ASPRV1: variants seen among roughly 807,000 people sequenced by gnomAD.
The protein encoded by ASPRV1 is retroviral-like aspartic protease 1.
In ASPRV1, 7 loss-of-function variants were observed where a neutral mutation model predicts 11.0. That is an observed-to-expected ratio of 0.64 (90% CI 0.36 to 1.20). ASPRV1 has a LOEUF of 1.20. Among genes scored for constraint, ASPRV1 ranks in the 50% most tolerant of loss-of-function variants. The pLI is 0.02. For missense variants in ASPRV1, 299 were observed against 320.0 expected (o/e 0.93, Z 0.50); for synonymous variants, 136 against 138.4 (o/e 0.98, Z 0.12).
At chr2:70,026,939 G>A in the ASPRV1 span, among the ~76,000 whole-genome samples, 2 of 152,142 alleles carry the variant, frequency 1.3e-5, no homozygotes, top group Non-Finnish European at 2.9e-5. Flanking sequence ...CGCACTACCT[G>A]ACTTCAAAAC....
the ASPRV1 span, among the ~76,000 whole-genome samples, chr2:69,974,968 GCTGTGTCTGACAGTCCTC>G: frequency 6.6e-6 from 1 of 152,200 alleles, no homozygotes; most frequent in African/African-American, 2.4e-5. Flanking sequence ...CCTGCAACAA[GCTGTGTCTGACAGTCCTC>G]CAGAGCTCCT....
chr2:70,015,000 C>T, the ASPRV1 span, among the ~76,000 whole-genome samples: 1 of 152,046 alleles, frequency 6.6e-6, no homozygotes, highest in Non-Finnish European at 1.5e-5. Flanking sequence ...AAAGAAGGGA[C>T]ACAAATGGCC....
chr2:69,988,783 T>C, the ASPRV1 span: 1 of 456,354 alleles, frequency 2.2e-6, no homozygotes, highest in African/African-American at 2.0e-5. Context: ...TAACGAAGAG[T>C]AGTGTTAACT....
the ASPRV1 span, among the ~76,000 whole-genome samples, chr2:69,979,795 C>T: frequency 5.9e-5 from 9 of 152,196 alleles, no homozygotes; most frequent in Admixed American, 5.9e-4. Flanking sequence ...AGGAGCGTTT[C>T]CTGCCACCTG....
the ASPRV1 span, among the ~76,000 whole-genome samples, chr2:69,989,890 T>C: frequency 6.6e-6 from 1 of 152,236 alleles, no homozygotes; most frequent in South Asian, 2.1e-4. Flanking sequence ...AGTAACTGCA[T>C]GTTAAATCAG....
At chr2:69,981,593 G>T in the ASPRV1 span, among the ~76,000 whole-genome samples, 1 of 152,206 alleles carries the variant, frequency 6.6e-6, no homozygotes, top group Non-Finnish European at 1.5e-5. Context: ...GTCTTACTCT[G>T]TTACCCAGGC....
At chr2:69,986,182 G>A in the ASPRV1 span, among the ~76,000 whole-genome samples, 1 of 152,168 alleles carries the variant, frequency 6.6e-6, no homozygotes, top group Non-Finnish European at 1.5e-5. Flanking sequence ...CGTCTAATAT[G>A]AATCCCAATC....
the ASPRV1 span, among the ~76,000 whole-genome samples, chr2:69,986,786 G>T: frequency 3.1e-4 from 47 of 152,338 alleles, no homozygotes; most frequent in Non-Finnish European, 4.3e-4. Context: ...GACATTTGTG[G>T]TTCCAGCTGT....
the ASPRV1 span, chr2:69,968,477 T>C: frequency 1.3e-5 from 2 of 152,224 alleles, no homozygotes; most frequent in East Asian, 1.9e-4. Context: ...TGAGCCGAGA[T>C]TGCACCACTG....
At chr2:69,936,992 A>C in the ASPRV1 span, 1 of 625,006 alleles carries the variant, frequency 1.6e-6, no homozygotes, top group East Asian at 3.5e-5. Flanking sequence ...AGTATGTGAG[A>C]GCTCACCCCC....
chr2:70,005,557 T>A, the ASPRV1 span, among the ~76,000 whole-genome samples: 1 of 152,370 alleles, frequency 6.6e-6, no homozygotes, highest in Non-Finnish European at 1.5e-5. Context: ...CTTGTCAGCT[T>A]ATTTTTTGTT....
the ASPRV1 span, among the ~76,000 whole-genome samples, chr2:70,025,865 T>A: frequency 6.6e-6 from 1 of 152,150 alleles, no homozygotes; most frequent in African/African-American, 2.4e-5. Context: ...ATGGACACAA[T>A]GGGTTGAAAG....
the ASPRV1 span, among the ~76,000 whole-genome samples, chr2:70,023,152 G>A: frequency 2.8e-4 from 42 of 152,250 alleles, no homozygotes; most frequent in Admixed American, 5.2e-4. Context: ...AAGTAGTCCC[G>A]CCAGAACAGG....
chr2:70,026,904 G>A, the ASPRV1 span, among the ~76,000 whole-genome samples: 1 of 152,060 alleles, frequency 6.6e-6, no homozygotes, highest in Non-Finnish European at 1.5e-5. Context: ...GCAATCCTGA[G>A]CAGAAAGAAC....
At chr2:70,049,446 T>G in the ASPRV1 span, 1 of 152,142 alleles carries the variant, frequency 6.6e-6, no homozygotes, top group Non-Finnish European at 1.5e-5. Flanking sequence ...TCCCTCCATT[T>G]TGAGTCAGAG....
At chr2:70,056,916 T>C in the ASPRV1 span, among the ~76,000 whole-genome samples, 1 of 151,898 alleles carries the variant, frequency 6.6e-6, no homozygotes, top group Admixed American at 6.6e-5. Flanking sequence ...TTTGTATTTT[T>C]AGTAGAGACT....
the ASPRV1 span, among the ~76,000 whole-genome samples, chr2:70,036,862 GTTGT>G: frequency 2.6e-5 from 4 of 152,014 alleles, no homozygotes; most frequent in Non-Finnish European, 5.9e-5. Context: ...TGTTGTGGCT[GTTGT>G]TTATGATTAC....
At chr2:70,006,786 C>T in the ASPRV1 span, among the ~76,000 whole-genome samples, 2 of 152,178 alleles carry the variant, frequency 1.3e-5, no homozygotes, top group African/African-American at 2.4e-5. Context: ...GATCATTTAG[C>T]GCTATTAATG....
the ASPRV1 span, among the ~76,000 whole-genome samples, chr2:69,996,402 T>A: frequency 7.6e-4 from 115 of 151,598 alleles, no homozygotes; most frequent in African/African-American, 2.7e-3. Context: ...AAAAAAAAAA[T>A]TCAATTTTAA....
Sources: allele counts gnomAD v4.1 joint callset (sites outside exome capture counted in the v4.1 genomes callset), GRCh38; gene constraint gnomAD v4.1.1; transcripts MANE v1.5; gene names NCBI Gene and HGNC (gene_info 2026-07-23, HGNC 2026-07-21).